The following QTGAL variants were observed in gnomAD, a reference collection of about 807,000 sequenced individuals.
The protein encoded by QTGAL is queuosine-tRNA galactosyltransferase.
At chr17:82,957,390 T>A in the QTGAL span, 1 of 1,613,216 alleles carries the variant, frequency 6.2e-7, no homozygotes, top group Non-Finnish European at 8.5e-7. Context: ...CAAGCTGCGG[T>A]ACAGCCGGCG....
chr17:82,982,383 T>C, the QTGAL span, among the ~76,000 whole-genome samples: 1 of 152,242 alleles, frequency 6.6e-6, no homozygotes, highest in African/African-American at 2.4e-5. Context: ...AAGTTTTATC[T>C]CCAATGGAGG....
At chr17:82,999,720 C>T in the QTGAL span, among the ~76,000 whole-genome samples, 1 of 152,150 alleles carries the variant, frequency 6.6e-6, no homozygotes. Flanking sequence ...AGTCTGTTTA[C>T]AAGAATCATC....
the QTGAL span, among the ~76,000 whole-genome samples, chr17:83,017,211 G>C: frequency 2.6e-5 from 2 of 76,634 alleles, no homozygotes; most frequent in African/African-American, 7.9e-5. Context: ...GGAGGAGGAA[G>C]GGGGGTTGGT....
the QTGAL span, among the ~76,000 whole-genome samples, chr17:83,046,448 T>C: frequency 2.0e-5 from 3 of 152,156 alleles, no homozygotes; most frequent in Non-Finnish European, 4.4e-5. Flanking sequence ...AAGGAAGATA[T>C]ATAAATGGCC....
At chr17:83,033,682 A>C in the QTGAL span, among the ~76,000 whole-genome samples, 1 of 151,952 alleles carries the variant, frequency 6.6e-6, no homozygotes, top group Admixed American at 6.6e-5. Flanking sequence ...CGTGTTAGCC[A>C]GGATGGTCTC....
At chr17:82,972,284 C>T in the QTGAL span, among the ~76,000 whole-genome samples, 46 of 104,570 alleles carry the variant, frequency 4.4e-4, no homozygotes, top group African/African-American at 1.1e-3. Context: ...CCACAGGGGC[C>T]AGAAGGACCT....
the QTGAL span, among the ~76,000 whole-genome samples, chr17:83,018,241 A>G: frequency 0.017 from 2,162 of 123,918 alleles, 77 homozygotes; most frequent in African/African-American, 0.06. Flanking sequence ...CGTGCTCCAC[A>G]AACACGGTGT....
chr17:82,963,696 T>C, the QTGAL span, among the ~76,000 whole-genome samples: 1 of 152,096 alleles, frequency 6.6e-6, no homozygotes, highest in Non-Finnish European at 1.5e-5. Flanking sequence ...TCTAGAGCAT[T>C]GAAGAAAGTG....
chr17:83,013,614 C>T, the QTGAL span, among the ~76,000 whole-genome samples: 2 of 150,718 alleles, frequency 1.3e-5, no homozygotes, highest in African/African-American at 2.5e-5. Context: ...GTGACCAGGC[C>T]CGTCTGTGAC....
At chr17:82,970,897 T>G in the QTGAL span, among the ~76,000 whole-genome samples, 6 of 152,332 alleles carry the variant, frequency 3.9e-5, no homozygotes, top group Admixed American at 3.3e-4. Context: ...GCGGGGGGCC[T>G]CAGGCTGCTT....
the QTGAL span, among the ~76,000 whole-genome samples, chr17:83,026,241 A>G: frequency 1.3e-5 from 2 of 151,972 alleles, no homozygotes; most frequent in Non-Finnish European, 2.9e-5. Flanking sequence ...CGCAGGCATC[A>G]CTCTTCCGTG....
chr17:82,962,517 A>G, the QTGAL span, among the ~76,000 whole-genome samples: 1 of 139,954 alleles, frequency 7.1e-6, no homozygotes, highest in Admixed American at 7.2e-5. Flanking sequence ...TTTAGGGTGG[A>G]GGCTCCCGCG....
chr17:82,970,683 TGC>T, the QTGAL span, among the ~76,000 whole-genome samples: 3 of 68,236 alleles, frequency 4.4e-5, no homozygotes, highest in Non-Finnish European at 9.5e-5. Context: ...GTGGCCGTGA[TGC>T]GAGGCCTCTG....
the QTGAL span, among the ~76,000 whole-genome samples, chr17:83,020,292 T>C: frequency 6.6e-6 from 1 of 151,970 alleles, no homozygotes; most frequent in South Asian, 2.1e-4. Context: ...TTTGAAGAAA[T>C]GACGGCTAAG....
At chr17:82,997,670 T>G in the QTGAL span, among the ~76,000 whole-genome samples, 1 of 152,126 alleles carries the variant, frequency 6.6e-6, no homozygotes, top group African/African-American at 2.4e-5. Context: ...TAAAGAAATG[T>G]GGTACATACA....
the QTGAL span, chr17:83,048,660 C>G: frequency 6.2e-7 from 1 of 1,611,394 alleles, no homozygotes; most frequent in Non-Finnish European, 8.5e-7. Flanking sequence ...ACAGGAAGTT[C>G]CTACAAACCT....
chr17:82,955,556 T>G, the QTGAL span, among the ~76,000 whole-genome samples: 1 of 152,194 alleles, frequency 6.6e-6, no homozygotes. Context: ...GGTGGGAATG[T>G]AAATTAGTTC....
chr17:83,041,084 T>TAAA, the QTGAL span, among the ~76,000 whole-genome samples: 1 of 121,556 alleles, frequency 8.2e-6, no homozygotes, highest in Non-Finnish European at 1.8e-5. Flanking sequence ...AAAAAAAAAA[T>TAAA]GGCTGAAAAA....
the QTGAL span, among the ~76,000 whole-genome samples, chr17:83,017,349 G>A: frequency 6.6e-5 from 10 of 152,122 alleles, no homozygotes; most frequent in Admixed American, 2.6e-4. Flanking sequence ...ATGGCCAGGC[G>A]CAGTAGCTCA....
Sources: allele counts gnomAD v4.1 joint callset (sites outside exome capture counted in the v4.1 genomes callset), GRCh38; gene constraint gnomAD v4.1.1; transcripts MANE v1.5; gene names NCBI Gene and HGNC (gene_info 2026-07-23, HGNC 2026-07-21).